The following GALNTL6 variants were observed in gnomAD, a reference collection of about 807,000 sequenced individuals.
The protein encoded by GALNTL6 is polypeptide N-acetylgalactosaminyltransferase like 6.
In GALNTL6, 46 loss-of-function variants were observed where a neutral mutation model predicts 73.7. That is an observed-to-expected ratio of 0.62 (90% CI 0.49 to 0.80). The LOEUF is 0.80. Among genes scored for constraint, GALNTL6 ranks in the 30% least tolerant of loss-of-function variants. The pLI, the probability that GALNTL6 is intolerant of heterozygous loss-of-function variation, is 0.00. For missense variants in GALNTL6, 604 were observed against 755.0 expected (o/e 0.80, Z 2.34); for synonymous variants, 259 against 263.7 (o/e 0.98, Z 0.17).
At chr4:172,044,587 A>G (rs924009520) in intron 2 of GALNTL6, among the ~76,000 whole-genome samples, 1 of 151,984 alleles carries the variant, frequency 6.6e-6, no homozygotes, top group African/African-American at 2.4e-5. Context: ...TTGTACTACT[A>G]TTCAACAAAT....
intron 4 of GALNTL6, among the ~76,000 whole-genome samples, chr4:172,314,169 A>G (rs537837288): frequency 2.8e-4 from 42 of 152,322 alleles, no homozygotes; most frequent in African/African-American, 9.6e-4. Flanking sequence ...ACTAGGCTGA[A>G]AGTGATGGAC....
intron 5 of GALNTL6, among the ~76,000 whole-genome samples, chr4:172,678,981 C>T (rs1732467364): frequency 6.6e-6 from 1 of 152,158 alleles, no homozygotes. Flanking sequence ...GCAACGTGAA[C>T]ACAGCCATGA....
At chr4:172,152,042 T>A (rs1165814590) in intron 2 of GALNTL6, among the ~76,000 whole-genome samples, 1 of 151,984 alleles carries the variant, frequency 6.6e-6, no homozygotes, top group Admixed American at 6.6e-5. Context: ...AGTGGTGAAA[T>A]CTCAGCTTAC....
chr4:173,038,506 C>A lies in GALNTL6; in HGVS notation c.1639-1427C>A, dbSNP rs921825873. 5.9e-5 allele frequency among the ~76,000 whole-genome samples: 9 copies of A among 151,996 alleles called. No individual in the cohort carries two copies. In the East Asian group the frequency reaches 1.5e-3, roughly 26 times the overall value. ...TCAGACACGGGTGGAATTAATGAAG[C>A]AAGATGGAAAGAAAATGGCAAGGAG... is the stretch of plus-strand genomic sequence containing the variant. On this transcript the variant is annotated intron_variant, in intron 12 of 12. Transcript: ENST00000506823.
intron 5 of GALNTL6, among the ~76,000 whole-genome samples, chr4:172,462,471 C>T (rs1732653457): frequency 6.6e-6 from 1 of 152,138 alleles, no homozygotes; most frequent in Non-Finnish European, 1.5e-5. Context: ...CAGATAGCTT[C>T]TTCTCTGATG....
intron 5 of GALNTL6, among the ~76,000 whole-genome samples, chr4:172,520,733 G>A (rs1210082485): frequency 5.9e-5 from 9 of 151,912 alleles, no homozygotes; most frequent in Admixed American, 3.3e-4. Context: ...AAATGTTTGA[G>A]ATTCTTATCT....
chr4:172,552,837 T>TAAAAAAAAAAAAAAAAAAAAAAA (rs397933315), intron 5 of GALNTL6, among the ~76,000 whole-genome samples: 15 of 80,408 alleles, frequency 1.9e-4, no homozygotes, highest in African/African-American at 5.3e-4. Flanking sequence ...GTAATTGCAG[T>TAAAAAAAAAAAAAAAAAAAAAAA]AAAAAAAAAA....
intron 2 of GALNTL6, among the ~76,000 whole-genome samples, chr4:172,054,893 T>C (rs1222046071): frequency 6.6e-6 from 1 of 152,180 alleles, no homozygotes; most frequent in African/African-American, 2.4e-5. Flanking sequence ...TCCAAACTTT[T>C]GATAACGGAG....
chr4:172,095,849 A>G (rs1732337853), intron 2 of GALNTL6, among the ~76,000 whole-genome samples: 1 of 151,948 alleles, frequency 6.6e-6, no homozygotes, highest in Admixed American at 6.6e-5. Context: ...ATTATTTTTT[A>G]CTTATCCTAA....
intron 2 of GALNTL6, among the ~76,000 whole-genome samples, chr4:172,159,944 G>A (rs1734400615): frequency 1.3e-5 from 2 of 152,110 alleles, no homozygotes; most frequent in South Asian, 4.1e-4. Flanking sequence ...GTAGAGGTTA[G>A]AAATGAACTC....
At chr4:172,668,988 A>G (rs1203078848) in intron 5 of GALNTL6, 1 of 152,118 alleles carries the variant, frequency 6.6e-6, no homozygotes, top group African/African-American at 2.4e-5. Context: ...CATTAAACTC[A>G]GAGACATTTT....
chr4:172,029,453 T>C (rs1354650951), intron 2 of GALNTL6, among the ~76,000 whole-genome samples: 1 of 152,072 alleles, frequency 6.6e-6, no homozygotes, highest in Admixed American at 6.6e-5. Flanking sequence ...TACTGATCTA[T>C]ATGGTCTTGT....
chr4:172,883,243 T>C (rs553571132), intron 8 of GALNTL6, among the ~76,000 whole-genome samples: 12 of 152,186 alleles, frequency 7.9e-5, no homozygotes, highest in Non-Finnish European at 1.8e-4. Context: ...CCTCTAGCTA[T>C]CTTGAAATAT....
chr4:171,817,834 T>C (rs946611528), intron 2 of GALNTL6, among the ~76,000 whole-genome samples: 6 of 151,630 alleles, frequency 4.0e-5, no homozygotes, highest in Non-Finnish European at 8.9e-5. Context: ...GTTTGGGATC[T>C]GCAAAATTGA....
intron 2 of GALNTL6, among the ~76,000 whole-genome samples, chr4:172,143,743 A>C (rs926167579): frequency 6.6e-6 from 1 of 152,046 alleles, no homozygotes; most frequent in Non-Finnish European, 1.5e-5. Context: ...TCTGGTTACC[A>C]TGAGTCATCT....
At chr4:172,266,723 G>T (rs1337790694) in intron 3 of GALNTL6, among the ~76,000 whole-genome samples, 1 of 151,898 alleles carries the variant, frequency 6.6e-6, no homozygotes, top group East Asian at 1.9e-4. Flanking sequence ...AGGTTAATTA[G>T]CTATTTCCAT....
intron 3 of GALNTL6, among the ~76,000 whole-genome samples, chr4:172,240,814 C>T (rs1737412647): frequency 6.6e-6 from 1 of 152,138 alleles, no homozygotes; most frequent in African/African-American, 2.4e-5. Context: ...AACCTTCATT[C>T]CTATCCATAT....
intron 10 of GALNTL6, among the ~76,000 whole-genome samples, chr4:172,975,415 G>C (rs1049996442): frequency 5.9e-5 from 9 of 152,216 alleles, no homozygotes; most frequent in African/African-American, 2.2e-4. Context: ...GTCTGGCTGA[G>C]TCCAGGGGTT....
At chr4:172,928,165 A>G (rs1014339498) in intron 8 of GALNTL6, among the ~76,000 whole-genome samples, 4 of 152,210 alleles carry the variant, frequency 2.6e-5, no homozygotes, top group African/African-American at 9.6e-5. Flanking sequence ...AGGAGTTCCA[A>G]AAGATACCAT....
Sources: gnomAD v4.1 joint callset for allele counts (sites outside exome capture counted in the v4.1 genomes callset) on GRCh38, gnomAD v4.1.1 for gene constraint, MANE v1.5 for transcripts, NCBI Gene and HGNC (gene_info 2026-07-23, HGNC 2026-07-21) for gene names.